Variants in ZFP62 observed in about 807,000 individuals in gnomAD.
ZFP62 encodes zinc finger protein 62 homolog.
A neutral mutation model predicts 56.4 loss-of-function variants in ZFP62; 44 were observed. That is an observed-to-expected ratio of 0.78 (90% confidence interval 0.61 to 1.00). The LOEUF is 1.00. ZFP62 is among the 50% of genes least tolerant of loss of function. The probability of loss-of-function intolerance (pLI) is 0.00; values close to 1 mark genes in which losing one functional copy is unlikely to be tolerated. For synonymous variants in ZFP62, 421 were observed against 388.9 expected (o/e 1.08, Z -0.97); for missense variants, 1,030 against 1,085.7 (o/e 0.95, Z 0.72).
chr5:180,829,937 C>T, the ZFP62 span: 1 of 152,164 alleles, frequency 6.6e-6, no homozygotes, highest in Non-Finnish European at 1.5e-5. Flanking sequence ...ACACGCATAC[C>T]AAAGAAAATA....
the ZFP62 span, among the ~76,000 whole-genome samples, chr5:180,829,297 C>A: frequency 6.6e-6 from 1 of 151,584 alleles, no homozygotes; most frequent in Non-Finnish European, 1.5e-5. Context: ...CTGCCTTTTG[C>A]CCTTTGTCCT....
At chr5:180,828,955 C>T in the ZFP62 span, among the ~76,000 whole-genome samples, 12 of 152,298 alleles carry the variant, frequency 7.9e-5, no homozygotes, top group Admixed American at 2.6e-4. Context: ...CTGTCCTATG[C>T]GGTAGCGATA....
At chr5:180,845,326 T>TAAAAAAAAA (rs772922940), downstream of ZFP62, among the ~76,000 whole-genome samples, 14 of 32,828 alleles carry the variant, frequency 4.3e-4, 2 homozygotes, top group South Asian at 2.4e-3. Context: ...GAGACCGTCT[T>TAAAAAAAAA]AAAAAAAAAA....
chr5:180,837,455 A>C, the ZFP62 span, among the ~76,000 whole-genome samples: 1 of 152,144 alleles, frequency 6.6e-6, no homozygotes, highest in Non-Finnish European at 1.5e-5. Flanking sequence ...ACTCGGTAGG[A>C]AGAAGCTGAA....
chr5:180,827,012 T>C, the ZFP62 span, among the ~76,000 whole-genome samples: 29 of 152,312 alleles, frequency 1.9e-4, no homozygotes, highest in South Asian at 6.0e-3. Context: ...GTAGGTAATG[T>C]AGAGGTTCTC....
intron 1 of ZFP62, among the ~76,000 whole-genome samples, chr5:180,854,627 G>C (rs931180662): frequency 6.6e-6 from 1 of 152,248 alleles, no homozygotes; most frequent in Middle Eastern, 3.4e-3. Flanking sequence ...GCCTTGGCCA[G>C]GTGTTCTAAT....
Position 180,851,466 on chromosome 5 carries a change from T to C in ZFP62, c.29A>G (p.Asp10Gly). 6.5e-7 allele frequency: 1 copy of C among 1,548,502 alleles called. No homozygotes were observed. Among genetic ancestry groups the C allele is most frequent in the Non-Finnish European group, 8.7e-7 (1 of 1,145,152 alleles). MSHLKTSTEDEEPTEEYENV... is the reference protein window; with the variant it reads MSHLKTSTEGEEPTEEYENV... ...TTCATATTCTTCAGTTGGTTCCTCA[T>C]CCTCAGTGCTCGTCTTCAAATGTGA... Residue 10 changes from aspartate to glycine, a missense_variant, in exon 2 of 2, where the codon GAT becomes GGT. By Grantham distance (94) the Asp-to-Gly change is moderately conservative. Coordinates refer to ENST00000502412, the MANE Select transcript of ZFP62 (RefSeq NM_001172638.2).
chr5:180,846,153 G>A (rs1433403367), downstream of ZFP62, among the ~76,000 whole-genome samples: 2 of 152,202 alleles, frequency 1.3e-5, no homozygotes, highest in Non-Finnish European at 2.9e-5. Flanking sequence ...ACCCCACCAT[G>A]TCTGGGATCA....
At chr5:180,851,672 A>C (rs1472869324) in intron 1 of ZFP62, among the ~76,000 whole-genome samples, 179 bp from the exon 2 acceptor site, 4 of 152,242 alleles carry the variant, frequency 2.6e-5, no homozygotes, top group Non-Finnish European at 5.9e-5. Flanking sequence ...GAATATGACA[A>C]AATTTCTGCC....
At chr5:180,830,797 C>G in the ZFP62 span, 1 of 150,350 alleles carries the variant, frequency 6.7e-6, no homozygotes, top group East Asian at 1.9e-4. Flanking sequence ...GAGGGTCCCG[C>G]GTGAACCGAA....
Position 180,848,476 on chromosome 5 carries a change from T to C in ZFP62, c.*316A>G. 9.4e-7 allele frequency: 1 copy of C among 1,064,430 alleles called. No homozygotes were observed. The allele number at this position is 1,064,430 out of a possible 1,614,324, so 65.9% of individuals were successfully genotyped here. A position where few individuals can be genotyped will look rare whatever the true frequency, so the allele number is the denominator to read the frequency against. ...TGATGGTGATTACGTAACTTCTAAT[T>C]GAAGCCCTTTCCTCATCTGTGTTTT... On this transcript the variant is annotated 3_prime_UTR_variant, in exon 2 of 2. Transcript: ENST00000502412.
downstream of ZFP62, among the ~76,000 whole-genome samples, chr5:180,846,102 G>T (rs1244869353): frequency 6.6e-6 from 1 of 152,184 alleles, no homozygotes; most frequent in Non-Finnish European, 1.5e-5. Flanking sequence ...GTCTGAGCAG[G>T]CTCAGCCGCA....
intron 1 of ZFP62, among the ~76,000 whole-genome samples, chr5:180,853,431 G>T (rs1481907148): frequency 6.6e-6 from 1 of 152,232 alleles, no homozygotes; most frequent in African/African-American, 2.4e-5. Flanking sequence ...TACAAGGGAG[G>T]AGTGTGGAGA....
Position 180,858,523 on chromosome 5 carries a change from G to A in ZFP62, c.1+2696C>T, listed in dbSNP as rs747988001. Among the ~76,000 whole-genome samples, 11 of 152,120 alleles carry A rather than the reference G, an allele frequency of 7.2e-5. No homozygotes were observed. In the South Asian group the frequency reaches 1.2e-3, roughly 17 times the overall value. ...CTTGGGAGGCTGAGGCACAAGAATCGCTTGAACCTGGGAGGCAGAGGTTGC... is the reference window on the plus strand; with the variant it reads ...CTTGGGAGGCTGAGGCACAAGAATCACTTGAACCTGGGAGGCAGAGGTTGC... On this transcript the variant is annotated intron_variant, in intron 1 of 1. Coordinates refer to ENST00000502412, the MANE Select transcript of ZFP62 (RefSeq NM_001172638.2).
At chr5:180,857,977 G>A (rs1303087078) in intron 1 of ZFP62, among the ~76,000 whole-genome samples, 2 of 151,636 alleles carry the variant, frequency 1.3e-5, no homozygotes, top group Non-Finnish European at 2.9e-5. Flanking sequence ...TTTAGGCCGG[G>A]TACAGTGGCT....
the ZFP62 span, among the ~76,000 whole-genome samples, chr5:180,829,030 C>T: frequency 6.6e-6 from 1 of 152,192 alleles, no homozygotes; most frequent in Non-Finnish European, 1.5e-5. Context: ...GAAACTCCAT[C>T]CTGGTAAATT....
At chr5:180,847,584 GTAT>G (rs1454487490), downstream of ZFP62, 6 of 985,304 alleles carry the variant, frequency 6.1e-6, no homozygotes, top group East Asian at 5.7e-4. Flanking sequence ...TGGCTCTTGG[GTAT>G]CCTCCATCTA....
chr5:180,829,611 TCCC>T, the ZFP62 span, among the ~76,000 whole-genome samples: 4 of 152,256 alleles, frequency 2.6e-5, no homozygotes, highest in South Asian at 2.1e-4. Flanking sequence ...CCTATCGGGT[TCCC>T]CCGATAGTTC....
chr5:180,850,227 CATTCATGGGCT>C lies in ZFP62; in HGVS notation c.1257_1267del (p.Ala420Ter). The C allele has an allele frequency of 6.4e-7, 1 of 1,553,416 alleles. No individual in the cohort carries two copies. Among genetic ancestry groups the C allele is most frequent in the Non-Finnish European group, 8.7e-7 (1 of 1,148,036 alleles). ...ACTAAAGGATTTCCCACACTCCTTA[CATTCATGGGCT>C]TTCTTCCCAGGGTGAATGCTTTTAT... On this transcript the variant is annotated frameshift_variant, in exon 2 of 2. Coordinates refer to ENST00000502412, the MANE Select transcript of ZFP62 (RefSeq NM_001172638.2). LOFTEE classifies it high-confidence loss of function.
Sources: allele counts gnomAD v4.1 joint callset (sites outside exome capture counted in the v4.1 genomes callset), GRCh38; gene constraint gnomAD v4.1.1; transcripts MANE v1.5; gene names NCBI Gene and HGNC (gene_info 2026-07-23, HGNC 2026-07-21).